TTN: variants seen among roughly 807,000 people sequenced by gnomAD.
The protein encoded by TTN is connectin.
In TTN, 1,525 loss-of-function variants were observed where a neutral mutation model predicts 3,223.0. That is an observed-to-expected ratio of 0.47 (90% CI 0.45 to 0.49). The LOEUF (loss-of-function observed/expected upper bound fraction) is 0.49, where lower values mean the gene tolerates loss of function less well. TTN is among the 20% of genes least tolerant of loss of function. TTN has a pLI of 0.00. For missense variants in TTN, 40,786 were observed against 43,424.0 expected, an observed-to-expected ratio of 0.94 and a Z score of 5.40; for synonymous variants, 14,094 against 15,161.0, an observed-to-expected ratio of 0.93 and a Z score of 5.17.
At chr2:178,715,334 C>A in intron 89 of TTN, 70 bp from the exon 90 acceptor site, 1 of 1,518,066 alleles carries the variant, frequency 6.6e-7, no homozygotes, top group Non-Finnish European at 8.8e-7. Flanking sequence ...AATCAATCTT[C>A]CACTCCATCA....
Position 178,564,241 on chromosome 2 carries a change from G to A in TTN, c.81891C>T (p.Ala27297=), listed in dbSNP as rs370796537. ...VHAGETFVLE[A]DIRGKPIPDV... ...CAGGTATAGGTTTGCCACGGATGTC[G>A]GCTTCAAGAACAAAAGTCTCTCCTG... The change falls in exon 326 of 363, where the codon GCC becomes GCT. Residue 27297 remains alanine, a synonymous_variant. Coordinates refer to ENST00000589042, the MANE Select transcript of TTN (RefSeq NM_001267550.2). 1.1e-5 allele frequency: 18 copies of A among 1,613,022 alleles called. No individual in the cohort carries two copies. In the African/African-American group the frequency reaches 1.7e-4, roughly 16 times the overall value.
chr2:178,534,453 T>C lies in TTN; in HGVS notation c.102162A>G (p.Leu34054=). Residue 34054 remains leucine, a synonymous_variant, in exon 358 of 363, where the codon TTA becomes TTG. Coordinates refer to ENST00000589042, the MANE Select transcript of TTN (RefSeq NM_001267550.2). The part of the protein sequence containing the change: ...IEAMDFVDRL[L]VKERKSRMTA... The stretch of plus-strand genomic sequence containing the variant: ...TCATGCGAGATTTCCTCTCTTTCAC[T>C]AACAACCGGTCAACAAAATCCATGG... 1 of 1,613,270 alleles carries C rather than the reference T, an allele frequency of 6.2e-7. No individual in the cohort carries two copies. Among genetic ancestry groups the C allele is most frequent in the Non-Finnish European group, 8.5e-7 (1 of 1,179,814 alleles).
chr2:178,804,745 A>C (rs901769578), intron 1 of TTN, 90 bp from the exon 2 acceptor site: 1 of 1,185,976 alleles, frequency 8.4e-7, no homozygotes, highest in East Asian at 2.5e-5. Flanking sequence ...CGTTTCTCCA[A>C]ATGGATTGCT....
Position 178,730,252 on chromosome 2 carries a change from T to C in TTN, c.18148A>G (p.Lys6050Glu). 1 of 1,613,352 alleles carries C rather than the reference T, an allele frequency of 6.2e-7. No homozygotes were observed. Among genetic ancestry groups the C allele is most frequent in the Non-Finnish European group, 8.5e-7 (1 of 1,179,624 alleles). ...CGGGCTGCTCCTGAGTGTAACTCTT[T>C]GTTATCTTTAAACCACTTTATTGTC... is the stretch of plus-strand genomic sequence containing the variant. ...PMTIKWFKDN[K>E]ELHSGAARSV... The change falls in exon 62 of 363, where the codon AAA becomes GAA. Residue 6050 changes from lysine (K) to glutamate (E), a missense_variant. Lys to Glu is a moderately conservative substitution (Grantham distance 56). Transcript: ENST00000589042.
intron 349 of TTN, 99 bp downstream of exon 349, chr2:178,542,165 C>T (rs887908580): frequency 1.4e-5 from 17 of 1,231,990 alleles, no homozygotes; most frequent in Middle Eastern, 5.7e-4. Context: ...ATTTTGTGAC[C>T]TATTTTTATT....
chr2:178,588,247 C>G, intron 304 of TTN, 28 bp from the exon 305 acceptor site: 4 of 1,516,512 alleles, frequency 2.6e-6, no homozygotes, highest in Non-Finnish European at 3.6e-6. Flanking sequence ...ATATAGTTAA[C>G]TACTACTAGT....
chr2:178,610,384 G>C lies in TTN; in HGVS notation c.51142C>G (p.Pro17048Ala). 1 of 1,607,860 alleles carries C rather than the reference G, an allele frequency of 6.2e-7. No homozygotes were observed. Among genetic ancestry groups the C allele is most frequent in the Non-Finnish European group, 8.5e-7 (1 of 1,178,122 alleles). The change falls in exon 271 of 363, where the codon CCT (proline) becomes GCT (alanine). Residue 17048 changes from proline (P) to alanine (A), a missense_variant. Transcript: ENST00000589042. ...GCTTTAATATCTTTGCATGGTCCAG[G>C]TAGGCCTATTACAAAAATGGATAAT... ...ASINVKVIGL[P>A]GPCKDIKASD...
chr2:178,745,533 G>A, intron 47 of TTN: 1 of 1,604,708 alleles, frequency 6.2e-7, no homozygotes, highest in Non-Finnish European at 8.5e-7. Context: ...TGGAAAATAT[G>A]AAAGCACTCA....
At position 178,704,248 on chromosome 2, in the gene TTN, T is replaced by G; in HGVS notation, c.30122A>C (p.Lys10041Thr). Residue 10041 changes from lysine to threonine, a missense_variant, in exon 106 of 363, where the codon AAA (lysine) becomes ACA (threonine). Coordinates refer to ENST00000589042, the MANE Select transcript of TTN (RefSeq NM_001267550.2). The part of the protein sequence containing the change: ...QGRHKTEVEH[K>T]VHKLTIADVR... Reference sequence around the variant, plus strand: ...ATCTGCAATGGTCAATTTATGGACTTTGTGTTCCACTTCTGTTTTATGTCT... The same window carrying G: ...ATCTGCAATGGTCAATTTATGGACTGTGTGTTCCACTTCTGTTTTATGTCT... 1 of 1,614,052 alleles carries G rather than the reference T, an allele frequency of 6.2e-7. No individual in the cohort carries two copies. Among genetic ancestry groups the G allele is most frequent in the Non-Finnish European group, 8.5e-7 (1 of 1,179,878 alleles).
chr2:178,610,443 T>C, intron 270 of TTN, 54 bp from the exon 271 acceptor site: 1 of 1,571,150 alleles, frequency 6.4e-7, no homozygotes, highest in Non-Finnish European at 8.7e-7. Flanking sequence ...AGCATTTTAA[T>C]AATGCACTTG....
At chr2:178,587,054 A>C (rs2049166154) in intron 307 of TTN, 64 bp downstream of exon 307, 1 of 1,576,148 alleles carries the variant, frequency 6.3e-7, no homozygotes, top group Admixed American at 1.8e-5. Context: ...AAATGGTATT[A>C]GTATCTTGAC....
In TTN at chr2:178,729,083, G is replaced by A. The variant is rs749058126; in HGVS notation, c.18955C>T (p.Pro6319Ser). Residue 6319 changes from proline to serine, a missense_variant, in exon 65 of 363, where the codon CCT (proline) becomes TCT (serine). Physicochemically the swap from Pro to Ser is moderately conservative, Grantham distance 74 (BLOSUM62 -1). Transcript: ENST00000589042. ...TTTAGCCAGGTTATAGAAATAGGAGGAGAACCTGCCACGGTACTCTGAAAG... is the reference window on the plus strand; with the variant it reads ...TTTAGCCAGGTTATAGAAATAGGAGAAGAACCTGCCACGGTACTCTGAAAG... ...ATFQSTVAGS[P>S]PISITWLKDD... 1.9e-5 allele frequency: 30 copies of A among 1,612,294 alleles called. No individual in the cohort carries two copies. Among genetic ancestry groups the A allele is most frequent in the Non-Finnish European group, 2.5e-5 (29 of 1,179,174 alleles).
In TTN at chr2:178,560,384, G is replaced by C; in HGVS notation, c.85748C>G (p.Ser28583Cys). Residue 28583 changes from serine (S) to cysteine (C), a missense_variant, in exon 326 of 363, where the codon TCT becomes TGT. Physicochemically the swap from Ser to Cys is moderately radical, Grantham distance 112. Coordinates refer to ENST00000589042, the MANE Select transcript of TTN (RefSeq NM_001267550.2). ...CTCTCGCCTTTCAATTATATATCCA[G>C]ATATTTCACTACCTCCATCACTCTC... ...RPESDGGSEI[S>C]GYIIERREKN... is the part of the protein sequence containing the mutation. 6.2e-7 allele frequency: 1 copy of C among 1,613,584 alleles called. No homozygotes were observed. Among genetic ancestry groups the C allele is most frequent in the Non-Finnish European group, 8.5e-7 (1 of 1,179,748 alleles).
At position 178,601,361 on chromosome 2, in the gene TTN, C is replaced by G; in HGVS notation, c.55636G>C (p.Glu18546Gln). 6.2e-7 allele frequency: 1 copy of G among 1,612,564 alleles called. No individual in the cohort carries two copies. Among genetic ancestry groups the G allele is most frequent in the South Asian group, 1.1e-5 (1 of 90,944 alleles). The change falls in exon 287 of 363, where the codon GAA becomes CAA. Residue 18546 changes from glutamate to glutamine, a missense_variant. Transcript: ENST00000589042. ...TTFVVPDLLS[E>Q]QQYFFRVRAE... is the part of the protein sequence containing the mutation. ...CGCACACGGAAGAAATATTGCTGTT[C>G]AGAGAGGAGATCAGGCACTACAAAT...
At position 178,570,278 on chromosome 2, in the gene TTN, T is replaced by C; in HGVS notation, c.75854A>G (p.Tyr25285Cys). Residue 25285 changes from tyrosine to cysteine, a missense_variant, in exon 326 of 363, where the codon TAT becomes TGT. Tyr to Cys is a radical substitution (Grantham distance 194, BLOSUM62 -2). Transcript: ENST00000589042. Reference sequence around the variant, plus strand: ...AGATTCAAGAGGTTCACCAACACCATATTTGTTTACTGCCATTATACGGAA... The same window carrying C: ...AGATTCAAGAGGTTCACCAACACCACATTTGTTTACTGCCATTATACGGAA... ...YTFRIMAVNK[Y>C]GVGEPLESEP... The C allele has an allele frequency of 6.2e-7, 1 of 1,613,408 alleles. No individual in the cohort carries two copies. Among genetic ancestry groups the C allele is most frequent in the Non-Finnish European group, 8.5e-7 (1 of 1,179,612 alleles).
chr2:178,634,344 C>T lies in TTN; in HGVS notation c.42415+22G>A, dbSNP rs780263573. The T allele has an allele frequency of 2.0e-5, 32 of 1,588,464 alleles. No homozygotes were observed. The South Asian group carries it at 3.5e-4, about 17-fold the overall frequency. On this transcript the variant is annotated intron_variant, in intron 230 of 362. Transcript: ENST00000589042. This position sits in a 1 kb window ranked among gnomAD's most constrained non-coding sequence, Gnocchi z 4.6. ...ATTTGCATGCCTTTATGGGATGTCA[C>T]AGATCTCATTAGCTCGCTTACCTGT...
intron 8 of TTN, 58 bp downstream of exon 8, chr2:178,794,341 G>A (rs2093660105): frequency 6.2e-7 from 1 of 1,610,004 alleles, no homozygotes; most frequent in African/African-American, 1.3e-5. Context: ...TGGTGGTTGA[G>A]TTAATGTGCA....
chr2:178,636,860 C>T lies in TTN; in HGVS notation c.40928-61G>A. ...CTCCTTAGGAGTCAGAAAGTTCATA[C>T]TTGGCTGCCTGCTGGATAAAACCAG... is the stretch of plus-strand genomic sequence containing the variant. On this transcript the variant is annotated intron_variant, in intron 224 of 362. Transcript: ENST00000589042. The surrounding 1 kb of genome is among the most constrained non-coding windows in gnomAD (Gnocchi z 4.3). 1 of 1,492,670 alleles carries T rather than the reference C, an allele frequency of 6.7e-7. No individual in the cohort carries two copies. The allele number at this position is 1,492,670 out of a possible 1,614,324, so 92.5% of individuals were successfully genotyped here.
chr2:178,645,895 A>T, intron 217 of TTN, 25 bp downstream of exon 217: 2 of 1,456,088 alleles, frequency 1.4e-6, no homozygotes, highest in Non-Finnish European at 1.8e-6. Flanking sequence ...CAGGCTAATA[A>T]AACTTTGGAA....
Sources: allele counts gnomAD v4.1 joint callset, GRCh38; gene constraint gnomAD v4.1.1; non-coding constraint Gnocchi (gnomAD v3.1); transcripts MANE v1.5; gene names NCBI Gene and HGNC (gene_info 2026-07-23, HGNC 2026-07-21).